The following SPPL3 variants were observed in gnomAD, a reference collection of about 807,000 sequenced individuals.
The protein encoded by SPPL3 is signal peptide peptidase like 3.
A neutral mutation model predicts 42.4 loss-of-function variants in SPPL3; 5 were observed. The ratio of observed to expected loss-of-function variants is 0.12; its 90% CI spans 0.06 to 0.25. The LOEUF (loss-of-function observed/expected upper bound fraction) is 0.25, where lower values mean the gene tolerates loss of function less well. Among genes scored for constraint, SPPL3 ranks in the 10% least tolerant of loss-of-function variants. SPPL3 has a pLI of 1.00. For missense variants in SPPL3, 235 were observed against 489.0 expected (o/e 0.48, Z 4.90); for synonymous variants, 195 against 181.8 (o/e 1.07, Z -0.58).
chr12:120,896,104 A>G (rs1873794263), intron 1 of SPPL3, among the ~76,000 whole-genome samples: 1 of 152,192 alleles, frequency 6.6e-6, no homozygotes, highest in South Asian at 2.1e-4. Context: ...GAGATAACTA[A>G]GTTTTCCTAC....
At chr12:120,853,976 GCACACATACACA>G (rs1416257034) in intron 1 of SPPL3, among the ~76,000 whole-genome samples, 6 of 64,146 alleles carry the variant, frequency 9.4e-5, no homozygotes, top group Non-Finnish European at 1.5e-4. Flanking sequence ...CCACACACAC[GCACACATACACA>G]CACACACACA....
intron 1 of SPPL3, among the ~76,000 whole-genome samples, chr12:120,820,292 GTA>G (rs1871018581): frequency 7.0e-6 from 1 of 143,476 alleles, no homozygotes; most frequent in African/African-American, 2.6e-5. Flanking sequence ...GACTTAATTT[GTA>G]TCTTTCTCTA....
rs77692852 is a variant in SPPL3, at chr12:120,850,012, C to A, written c.24-39126G>T. Among the ~76,000 whole-genome samples the A allele has an allele frequency of 1.2e-4, 18 of 152,126 alleles. 1 individual carries two copies. The highest frequency in any genetic ancestry group is 1.2e-4 in the Non-Finnish European group (8 of 68,028). On this transcript the variant is annotated intron_variant, in intron 1 of 10. Transcript: ENST00000353487. ...AGAAGTTTTCCTCAGCTGAGTCACC[C>A]GGCCATGGAAAACCCCAAGTTTGCA...
chr12:120,772,073 G>A (rs985581386), intron 6 of SPPL3, among the ~76,000 whole-genome samples: 4 of 152,158 alleles, frequency 2.6e-5, no homozygotes, highest in African/African-American at 9.7e-5. Context: ...CCAGGCTGCA[G>A]TACAATGGTG....
At chr12:120,848,501 G>A (rs752796881) in intron 1 of SPPL3, among the ~76,000 whole-genome samples, 1 of 152,166 alleles carries the variant, frequency 6.6e-6, no homozygotes, top group Non-Finnish European at 1.5e-5. Flanking sequence ...ATCATTAACA[G>A]AATGGCAAGG....
intron 2 of SPPL3, among the ~76,000 whole-genome samples, chr12:120,792,124 C>T (rs73411955): frequency 9.9e-5 from 15 of 152,250 alleles, no homozygotes; most frequent in East Asian, 1.9e-4. Flanking sequence ...CAATACATAG[C>T]GTGTTCATGG....
At chr12:120,890,413 C>A (rs750255848) in intron 1 of SPPL3, among the ~76,000 whole-genome samples, 2 of 151,780 alleles carry the variant, frequency 1.3e-5, no homozygotes, top group Non-Finnish European at 2.9e-5. Context: ...AATGATAAAA[C>A]CCCATCCCTA....
intron 1 of SPPL3, among the ~76,000 whole-genome samples, chr12:120,841,913 A>G (rs184913503): frequency 6.6e-6 from 1 of 152,342 alleles, no homozygotes; most frequent in East Asian, 1.9e-4. Context: ...CAATAGCCCG[A>G]GTCACAGGAT....
rs3050430 is a variant in SPPL3 at position 120,841,428 on chromosome 12, T to TTATA, written c.24-30546_24-30543dup. Among the ~76,000 whole-genome samples the TTATA allele has an allele frequency of 2.0e-3, 293 of 149,708 alleles. 1 individual carries two copies. The highest frequency in any genetic ancestry group is 5.4e-3 in the African/African-American group (217 of 40,488). On this transcript the variant is annotated intron_variant, in intron 1 of 10. Transcript: ENST00000353487. ...GTGTACTTTTAAGTTAAAAAAATAG[T>TTATA]TATATATATATATATGCACAAAACA...
chr12:120,843,589 A>C (rs895214194), intron 1 of SPPL3, among the ~76,000 whole-genome samples: 1 of 152,114 alleles, frequency 6.6e-6, no homozygotes, highest in African/African-American at 2.4e-5. Flanking sequence ...TTCCCAGGGC[A>C]CTAGGTGTAC....
At chr12:120,874,546 T>C (rs1310547070) in intron 1 of SPPL3, among the ~76,000 whole-genome samples, 1 of 150,618 alleles carries the variant, frequency 6.6e-6, no homozygotes, top group Non-Finnish European at 1.5e-5. Context: ...TAACATAACA[T>C]ACAAAGAATT....
intron 1 of SPPL3, among the ~76,000 whole-genome samples, chr12:120,892,739 T>G (rs1230221393): frequency 6.6e-6 from 1 of 152,046 alleles, no homozygotes; most frequent in Non-Finnish European, 1.5e-5. Flanking sequence ...TCCCAGCACT[T>G]TGGGAGACCA....
intron 1 of SPPL3, among the ~76,000 whole-genome samples, chr12:120,828,262 T>C (rs1163817441): frequency 6.6e-6 from 1 of 151,690 alleles, no homozygotes; most frequent in East Asian, 1.9e-4. Flanking sequence ...AATTAGAAAA[T>C]ATCTTGAACT....
intron 1 of SPPL3, among the ~76,000 whole-genome samples, chr12:120,838,263 T>A (rs1481275053): frequency 2.0e-5 from 3 of 152,210 alleles, no homozygotes; most frequent in African/African-American, 4.8e-5. Flanking sequence ...TGCATATTTA[T>A]TTTTTCCTTA....
At chr12:120,797,530 T>C (rs1465991955) in intron 2 of SPPL3, among the ~76,000 whole-genome samples, 1 of 152,200 alleles carries the variant, frequency 6.6e-6, no homozygotes, top group East Asian at 1.9e-4. Flanking sequence ...AGTTGTTTCA[T>C]GTGGGATGGT....
intron 1 of SPPL3, among the ~76,000 whole-genome samples, chr12:120,843,924 C>T (rs1322007705): frequency 6.6e-6 from 1 of 152,162 alleles, no homozygotes; most frequent in African/African-American, 2.4e-5. Context: ...CGCCACTGCA[C>T]TCCAGTCTGG....
chr12:120,836,188 A>G (rs76426208), intron 1 of SPPL3, among the ~76,000 whole-genome samples: 2,458 of 151,878 alleles, frequency 0.016, 28 homozygotes, highest in South Asian at 0.066. Context: ...AGGGGAGTCT[A>G]TTTCCCCTCC....
intron 1 of SPPL3, among the ~76,000 whole-genome samples, chr12:120,840,575 C>T (rs908868729): frequency 8.6e-5 from 13 of 151,728 alleles, no homozygotes; most frequent in African/African-American, 2.9e-4. Context: ...TGGCCAGATG[C>T]GGTGGCAGCA....
Position 120,763,996 on chromosome 12 carries a change from CG to C in SPPL3, c.*1002del, listed in dbSNP as rs764076870. On this transcript the variant is annotated 3_prime_UTR_variant, in exon 11 of 11. Coordinates refer to ENST00000353487, the MANE Select transcript of SPPL3 (RefSeq NM_139015.5). ...CATGCATTGGCTCGAGAAGAAACTA[CG>C]GAACACCCTGCGAGGGAGAAGCCTA... 4 of 152,538 alleles carry C rather than the reference CG, an allele frequency of 2.6e-5. No homozygotes were observed. Among genetic ancestry groups the C allele is most frequent in the Non-Finnish European group, 5.9e-5 (4 of 68,036 alleles). 9.4% of individuals were successfully genotyped at this position (152,538 alleles called of 1,614,324 possible).
Sources: allele counts gnomAD v4.1 joint callset (sites outside exome capture counted in the v4.1 genomes callset), GRCh38; gene constraint gnomAD v4.1.1; transcripts MANE v1.5; gene names NCBI Gene and HGNC (gene_info 2026-07-23, HGNC 2026-07-21).